The following SPDL1 variants were observed in gnomAD, a reference collection of about 807,000 sequenced individuals.
The protein encoded by SPDL1 is protein Spindly.
Under a neutral mutation model 79.5 loss-of-function variants are expected in SPDL1, and 85 were observed. The observed-to-expected ratio is 1.07, with a 90% CI of 0.90 to 1.28. SPDL1 has a LOEUF of 1.28. Ranked by LOEUF, SPDL1 falls within the 50% of genes most tolerant of loss-of-function variation. SPDL1 has a pLI of 0.00. For synonymous variants in SPDL1, 269 were observed against 240.3 expected (o/e 1.12, Z -1.10); for missense variants, 703 against 697.8 (o/e 1.01, Z -0.08).
Position 169,588,503 on chromosome 5 carries a change from A to G in SPDL1, c.87A>G (p.Gln29=). ...ERLKAAQYGL[Q]LVESQNELQN... ...TAAAAGCTGCACAGTATGGTTTACA[A>G]CTAGTAGAGAGTCAAAATGAATTAC... Residue 29 remains glutamine (Q), a synonymous_variant, in exon 2 of 12, where the codon CAA becomes CAG. Transcript: ENST00000265295. The G allele has an allele frequency of 2.5e-6, 4 of 1,613,930 alleles. No homozygotes were observed. The highest frequency in any genetic ancestry group is 3.4e-6 in the Non-Finnish European group (4 of 1,179,888).
chr5:169,583,945 C>G (rs1421166570), intron 1 of SPDL1, 56 bp downstream of exon 1: 1 of 152,410 alleles, frequency 6.6e-6, no homozygotes, highest in East Asian at 1.9e-4. Context: ...TGGGGAGAGT[C>G]GAACAGGCCC....
rs143165455 is a variant in SPDL1, at chr5:169,586,794, A to G, written c.-23-1600A>G. Among the ~76,000 whole-genome samples, 571 of 152,272 alleles carry G rather than the reference A, an allele frequency of 3.7e-3. 3 individuals are homozygous for G. The highest frequency in any genetic ancestry group is 5.3e-3 in the Non-Finnish European group (360 of 68,018). On this transcript the variant is annotated intron_variant, in intron 1 of 11. Coordinates refer to ENST00000265295, the MANE Select transcript of SPDL1 (RefSeq NM_017785.5). ...GCCACCCTAGTCTGAGCCATTTCACATGGTCTCTGCTTCCAGCCTTGTTCC... is the reference window on the plus strand; with the variant it reads ...GCCACCCTAGTCTGAGCCATTTCACGTGGTCTCTGCTTCCAGCCTTGTTCC...
intron 1 of SPDL1, among the ~76,000 whole-genome samples, chr5:169,585,209 C>G (rs536740832): frequency 6.6e-6 from 1 of 152,296 alleles, no homozygotes. Flanking sequence ...CGCTGCCCCC[C>G]AGATTAGGAC....
At chr5:169,600,409 G>A (rs1561876887) in intron 10 of SPDL1, among the ~76,000 whole-genome samples, 1 of 152,198 alleles carries the variant, frequency 6.6e-6, no homozygotes, top group Admixed American at 6.5e-5. Context: ...AGGAGGCAGG[G>A]TAGTGAATCC....
At position 169,594,613 on chromosome 5, in the gene SPDL1, A is replaced by G. The variant is rs764134856; in HGVS notation, c.823A>G (p.Met275Val). Residue 275 changes from methionine to valine, a missense_variant, in exon 7 of 12, where the codon ATG (methionine) becomes GTG (valine). Transcript: ENST00000265295. ...AGCAATGGAACGTCAGCTCATCAGT[A>G]TGAAAGTCAAGTATCAGTCACTAAA... ...RAAMERQLIS[M>V]KVKYQSLKKQ... The G allele has an allele frequency of 9.7e-5, 156 of 1,613,906 alleles. No individual in the cohort carries two copies. The highest frequency in any genetic ancestry group is 3.3e-4 in the Middle Eastern group (2 of 6,084).
At chr5:169,602,678 C>T (rs1380984954) in intron 11 of SPDL1, among the ~76,000 whole-genome samples, 2 of 152,202 alleles carry the variant, frequency 1.3e-5, no homozygotes, top group African/African-American at 4.8e-5. Context: ...AGCACTTTAA[C>T]AATGTTAGCT....
intron 3 of SPDL1, among the ~76,000 whole-genome samples, chr5:169,592,214 C>CTTTTTTT (rs397884840): frequency 3.1e-5 from 3 of 97,048 alleles, no homozygotes; most frequent in Non-Finnish European, 5.7e-5. Context: ...TTTTTTTTTC[C>CTTTTTTT]TTTTTTTTTT....
At chr5:169,588,652 G>A (rs751292096) in intron 2 of SPDL1, 77 bp downstream of exon 2, 6 of 1,315,214 alleles carry the variant, frequency 4.6e-6, no homozygotes, top group Non-Finnish European at 6.2e-6. Flanking sequence ...ATTAATAGTA[G>A]TAGTAGTTTA....
At chr5:169,603,970 C>G in intron 11 of SPDL1, 90 bp from the exon 12 acceptor site, 1 of 1,386,658 alleles carries the variant, frequency 7.2e-7, no homozygotes, top group Non-Finnish European at 9.7e-7. Flanking sequence ...GAATACCATG[C>G]CTTATTGGAG....
chr5:169,598,522 C>T lies in SPDL1; in HGVS notation c.1079C>T (p.Thr360Ile), dbSNP rs1179388031. 6.2e-7 allele frequency: 1 copy of T among 1,613,224 alleles called. No individual in the cohort carries two copies. Among genetic ancestry groups the T allele is most frequent in the Non-Finnish European group, 8.5e-7 (1 of 1,179,364 alleles). Residue 360 changes from threonine (T) to isoleucine (I), a missense_variant, in exon 9 of 12, where the codon ACT becomes ATT. Physicochemically the swap from Thr to Ile is moderately conservative, Grantham distance 89 (BLOSUM62 -1). Transcript: ENST00000265295. ...TCTAAGCCTTCAGTCGACTCTGGTA[C>T]TCTGGAAGATAACACCTATTATACA... The part of the protein sequence containing the change: ...MESKPSVDSG[T>I]LEDNTYYTDL...
At chr5:169,595,489 A>G (rs1755541280) in intron 7 of SPDL1, 1 of 152,206 alleles carries the variant, frequency 6.6e-6, no homozygotes, top group Non-Finnish European at 1.5e-5. Flanking sequence ...CTATTAAGTG[A>G]AGATGATAGA....
chr5:169,600,744 T>C (rs1463383613), intron 10 of SPDL1, among the ~76,000 whole-genome samples: 2 of 152,232 alleles, frequency 1.3e-5, no homozygotes, highest in Admixed American at 1.3e-4. Flanking sequence ...ATTCTGCTTA[T>C]ATTTTGTAGG....
At chr5:169,590,850 A>C in intron 2 of SPDL1, 198 bp from the exon 3 acceptor site, 2 of 630,086 alleles carry the variant, frequency 3.2e-6, no homozygotes, top group South Asian at 3.0e-5. Context: ...CATGGGTTTA[A>C]CATAGTTTCG....
chr5:169,584,095 G>A (rs1754847255), intron 1 of SPDL1: 1 of 152,298 alleles, frequency 6.6e-6, no homozygotes, highest in African/African-American at 2.4e-5. Flanking sequence ...CAGGGATTCT[G>A]GACAAATATG....
intron 3 of SPDL1, among the ~76,000 whole-genome samples, chr5:169,592,805 CTTTTT>C (rs11301691): frequency 2.4e-5 from 2 of 85,012 alleles, no homozygotes; most frequent in Admixed American, 1.2e-4. Context: ...ATAGAGATGG[CTTTTT>C]TTTTTTTTTT....
intron 11 of SPDL1, 54 bp downstream of exon 11, chr5:169,601,679 C>T: frequency 1.3e-5 from 19 of 1,431,570 alleles, no homozygotes; most frequent in Non-Finnish European, 1.9e-5. Context: ...TCTCTCCTCT[C>T]TCGCTGCATG....
intron 7 of SPDL1, chr5:169,595,833 A>G (rs1317602208): frequency 6.6e-6 from 1 of 152,194 alleles, no homozygotes; most frequent in Non-Finnish European, 1.5e-5. Context: ...AACAAAAAGG[A>G]TATCCTTTAA....
At chr5:169,600,699 T>C (rs1024501401) in intron 10 of SPDL1, among the ~76,000 whole-genome samples, 3 of 152,216 alleles carry the variant, frequency 2.0e-5, no homozygotes, top group South Asian at 2.1e-4. Context: ...ATGATAGGAT[T>C]GGACTAGGGA....
At position 169,591,055 on chromosome 5, in the gene SPDL1, A is replaced by T; in HGVS notation, c.167A>T (p.Glu56Val). The change falls in exon 3 of 12, where the codon GAA becomes GTA. Residue 56 changes from glutamate (E) to valine (V), a missense_variant. Physicochemically the swap from Glu to Val is moderately radical, Grantham distance 121 (BLOSUM62 -2). Coordinates refer to ENST00000265295, the MANE Select transcript of SPDL1 (RefSeq NM_017785.5). ...AATTGAATCTGTTTTCAGAGTTATG[A>T]ACAAGAAAAATATACCCTTCAAAGA... Reference protein sequence around the residue: ...NEMMTMTESYEQEKYTLQREV... With the variant: ...NEMMTMTESYVQEKYTLQREV... The T allele has an allele frequency of 6.2e-7, 1 of 1,611,988 alleles. No homozygotes were observed.
Sources: gnomAD v4.1 joint callset for allele counts (sites outside exome capture counted in the v4.1 genomes callset) on GRCh38, gnomAD v4.1.1 for gene constraint, MANE v1.5 for transcripts, NCBI Gene and HGNC (gene_info 2026-07-23, HGNC 2026-07-21) for gene names.